The following MET variants were observed in gnomAD, a reference collection of about 807,000 sequenced individuals.
MET encodes hepatocyte growth factor receptor.
In MET, 48 loss-of-function variants were observed where a neutral mutation model predicts 133.1. That is an observed-to-expected ratio of 0.36 (90% CI 0.29 to 0.46). The LOEUF is 0.46. Among genes scored for constraint, MET ranks in the 20% least tolerant of loss-of-function variants. MET has a pLI of 1.00. For missense variants in MET, 1,442 were observed against 1,695.9 expected, an observed-to-expected ratio of 0.85 and a Z score of 2.63; for synonymous variants, 628 against 616.5, an observed-to-expected ratio of 1.02 and a Z score of -0.28.
chr7:116,731,943 G>T (rs1249619506), intron 3 of MET, 84 bp downstream of exon 3: 1 of 1,331,526 alleles, frequency 7.5e-7, no homozygotes, highest in African/African-American at 1.4e-5. Flanking sequence ...TAAGGTATTT[G>T]CAAATACTGT....
intron 2 of MET, among the ~76,000 whole-genome samples, chr7:116,703,284 A>C (rs38851): frequency 0.35 from 52,546 of 152,012 alleles, 10,920 homozygotes; most frequent in Admixed American, 0.46. Flanking sequence ...AAGTGATTCT[A>C]AAGAATTTGT....
At chr7:116,755,624 G>A (rs1343823149) in intron 6 of MET, 109 bp downstream of exon 6, 2 of 1,395,654 alleles carry the variant, frequency 1.4e-6, no homozygotes, top group Non-Finnish European at 2.0e-6. Context: ...GAATTAAAAA[G>A]GGTCTTGGCC....
chr7:116,725,465 C>CAT (rs71314626), intron 2 of MET, among the ~76,000 whole-genome samples: 23,490 of 144,622 alleles, frequency 0.16, 1,887 homozygotes, highest in African/African-American at 0.21. Context: ...TTATGATATA[C>CAT]ATATATATAT....
In MET at chr7:116,758,469, A is replaced by G. The variant is rs781110968; in HGVS notation, c.2113A>G (p.Ser705Gly). ...KTCTLKSVSN[S>G]ILECYTPAQT... Reference sequence around the variant, plus strand: ...ATTTTTTTTGTTCAGTGTGTCAAACAGTATTCTTGAATGTTATACCCCAGC... The same window carrying G: ...ATTTTTTTTGTTCAGTGTGTCAAACGGTATTCTTGAATGTTATACCCCAGC... Residue 705 changes from serine to glycine, a missense_variant, in exon 9 of 21, where the codon AGT becomes GGT. Transcript: ENST00000397752. 8 of 1,613,750 alleles carry G rather than the reference A, an allele frequency of 5.0e-6. No homozygotes were observed. The African/African-American group carries it at 1.1e-4, about 22-fold the overall frequency.
At chr7:116,723,998 T>C (rs1198473740) in intron 2 of MET, 1 of 155,792 alleles carries the variant, frequency 6.4e-6, no homozygotes, top group African/African-American at 2.4e-5. Context: ...CCTTGAGCTC[T>C]GGTGGGCTCC....
chr7:116,726,208 C>T (rs1403495982), intron 2 of MET, among the ~76,000 whole-genome samples: 1 of 6,804 alleles, frequency 1.5e-4, no homozygotes, highest in African/African-American at 5.7e-4. Context: ...CATATCTCTA[C>T]CACCAGGCTC....
chr7:116,692,084 A>C (rs1002319778), intron 1 of MET, among the ~76,000 whole-genome samples: 7 of 152,240 alleles, frequency 4.6e-5, no homozygotes, highest in Admixed American at 3.3e-4. Context: ...AAAACAATTC[A>C]AATAAGGATC....
At chr7:116,794,254 C>T (rs1176666682) in intron 19 of MET, among the ~76,000 whole-genome samples, 2 of 152,154 alleles carry the variant, frequency 1.3e-5, no homozygotes, top group African/African-American at 4.8e-5. Flanking sequence ...GATCAAGGGT[C>T]AATTGATACT....
In MET at chr7:116,728,336, T is replaced by C. The variant is rs148073728; in HGVS notation, c.1201-3332T>C. Among the ~76,000 whole-genome samples, 509 of 152,306 alleles carry C rather than the reference T, an allele frequency of 3.3e-3. 1 individual carries two copies. Among genetic ancestry groups the C allele is most frequent in the African/African-American group, 0.011 (463 of 41,566 alleles). On this transcript the variant is annotated intron_variant, in intron 2 of 20. Coordinates refer to ENST00000397752, the MANE Select transcript of MET (RefSeq NM_000245.4). ...GCAATAGAGACATAATTTAATCCTA[T>C]TAGTTCTTGAGGAGATACTATTTAG...
intron 1 of MET, among the ~76,000 whole-genome samples, chr7:116,697,084 C>T (rs894790011): frequency 6.6e-6 from 1 of 152,208 alleles, no homozygotes; most frequent in Non-Finnish European, 1.5e-5. Flanking sequence ...GCACACCCGA[C>T]TCAACGTGGT....
At chr7:116,749,918 C>T (rs901975889) in intron 5 of MET, among the ~76,000 whole-genome samples, 2 of 151,702 alleles carry the variant, frequency 1.3e-5, no homozygotes, top group Admixed American at 6.6e-5. Context: ...AAAAGGACCT[C>T]TTCAAGAACT....
At chr7:116,757,830 T>C in intron 8 of MET, 56 bp downstream of exon 8, 6 of 1,566,032 alleles carry the variant, frequency 3.8e-6, no homozygotes, top group Non-Finnish European at 5.3e-6. Flanking sequence ...ATCTGTACCT[T>C]AAAAATTAAG....
At chr7:116,775,469 C>T (rs924150891) in intron 15 of MET, among the ~76,000 whole-genome samples, 1 of 152,040 alleles carries the variant, frequency 6.6e-6, no homozygotes. Context: ...TTTGGGAGGC[C>T]GAGGCAGGTG....
At chr7:116,751,953 C>T (rs1562917586) in intron 5 of MET, among the ~76,000 whole-genome samples, 2 of 151,870 alleles carry the variant, frequency 1.3e-5, no homozygotes, top group Non-Finnish European at 1.5e-5. Flanking sequence ...ACCAGCTACT[C>T]GGGAGGCTGA....
chr7:116,731,675 T>C lies in MET; in HGVS notation c.1208T>C (p.Leu403Pro), dbSNP rs761254993. Reference sequence around the variant, plus strand: ...GACCATATTTTATTCCAGACACTTCTGAGAAATTCATCAGGCTGTGAAGCG... The same window carrying C: ...GACCATATTTTATTCCAGACACTTCCGAGAAATTCATCAGGCTGTGAAGCG... ...NHEHCFNRTL[L>P]RNSSGCEARR... The change falls in exon 3 of 21, where the codon CTG becomes CCG. Residue 403 changes from leucine to proline, a missense_variant. Coordinates refer to ENST00000397752, the MANE Select transcript of MET (RefSeq NM_000245.4). The C allele has an allele frequency of 6.2e-7, 1 of 1,614,122 alleles. No individual in the cohort carries two copies. The highest frequency in any genetic ancestry group is 8.5e-7 in the Non-Finnish European group (1 of 1,179,948).
At chr7:116,757,307 A>G in intron 6 of MET, 130 bp from the exon 7 acceptor site, 4 of 756,782 alleles carry the variant, frequency 5.3e-6, no homozygotes, top group South Asian at 4.4e-5. Flanking sequence ...CTTAATGCTT[A>G]TCTTGAAACT....
intron 1 of MET, among the ~76,000 whole-genome samples, chr7:116,698,437 C>T (rs1289672936): frequency 4.6e-5 from 7 of 152,172 alleles, no homozygotes; most frequent in African/African-American, 1.4e-4. Flanking sequence ...TTACATTAAA[C>T]ATTTGTCTGT....
At chr7:116,793,866 T>A (rs909902096) in intron 19 of MET, among the ~76,000 whole-genome samples, 5 of 151,936 alleles carry the variant, frequency 3.3e-5, no homozygotes, top group African/African-American at 1.2e-4. Flanking sequence ...ACCACTTCAC[T>A]CCAGCCTGGG....
Position 116,797,462 on chromosome 7 carries a change from G to T in MET, c.*1338G>T. On this transcript the variant is annotated 3_prime_UTR_variant, in exon 21 of 21. Transcript: ENST00000397752. ...ACATACTTTAGAAACAAATGAAAAA[G>T]GCAATTGAAAATCCCAGCTATTTCA... 1 of 228,366 alleles carries T rather than the reference G, an allele frequency of 4.4e-6. No individual in the cohort carries two copies. Among genetic ancestry groups the T allele is most frequent in the Non-Finnish European group, 8.7e-6 (1 of 114,952 alleles). 14.1% of individuals were successfully genotyped at this position (228,366 alleles called of 1,614,324 possible).
Sources: allele counts gnomAD v4.1 joint callset (sites outside exome capture counted in the v4.1 genomes callset), GRCh38; gene constraint gnomAD v4.1.1; transcripts MANE v1.5; gene names NCBI Gene and HGNC (gene_info 2026-07-23, HGNC 2026-07-21).